Variants in FBLN2 observed in about 807,000 individuals in gnomAD.
The protein encoded by FBLN2 is fibulin 2.
In FBLN2, 81 loss-of-function variants were observed where a neutral mutation model predicts 123.7. That is an observed-to-expected ratio of 0.65 (90% CI 0.55 to 0.79). FBLN2 has a LOEUF of 0.79. FBLN2 is among the 30% of genes least tolerant of loss of function. The pLI, the probability that FBLN2 is intolerant of heterozygous loss-of-function variation, is 0.00. For synonymous variants in FBLN2, 699 were observed against 701.4 expected, an observed-to-expected ratio of 1.00 and a Z score of 0.05; for missense variants, 1,603 against 1,681.3, an observed-to-expected ratio of 0.95 and a Z score of 0.81.
chr3:13,606,706 C>T (rs114308951), intron 2 of FBLN2, among the ~76,000 whole-genome samples: 2,400 of 152,216 alleles, frequency 0.016, 59 homozygotes, highest in African/African-American at 0.053. Context: ...GGCTGAAGAG[C>T]AGTGGAATGA....
intron 2 of FBLN2, among the ~76,000 whole-genome samples, chr3:13,574,592 G>C (rs1704073282): frequency 6.6e-6 from 1 of 152,146 alleles, no homozygotes; most frequent in Admixed American, 6.5e-5. Context: ...CCCCAGCCCA[G>C]CCAGGCCTGG....
chr3:13,627,806 C>T lies in FBLN2; in HGVS notation c.2432-26C>T, dbSNP rs781387460. The T allele has an allele frequency of 9.3e-6, 15 of 1,604,410 alleles. No individual in the cohort carries two copies. The African/African-American group carries it at 1.7e-4, about 19-fold the overall frequency. ...TAAAGGCAGGACCTGCCCCCCAGCC[C>T]TTGACACCCAGCCTCTCCGCTGCAG... On this transcript the variant is annotated intron_variant, in intron 10 of 17. Coordinates refer to ENST00000404922, the MANE Select transcript of FBLN2 (RefSeq NM_001004019.2).
At chr3:13,635,249 T>C (rs983156850) in intron 16 of FBLN2, among the ~76,000 whole-genome samples, 1 of 152,032 alleles carries the variant, frequency 6.6e-6, no homozygotes, top group African/African-American at 2.4e-5. Context: ...GAACACCCCC[T>C]GCCCCTACCC....
rs1705317556 is a variant in FBLN2 at position 13,609,502 on chromosome 3, C to T, written c.1419-11C>T. ...GGGCGACTGGGGGCTAAGTTACCCC[C>T]TCTGTTTCAGGACAGCCCAGAGGCA... On this transcript the variant is annotated splice_polypyrimidine_tract_variant and intron_variant, in intron 3 of 17. Transcript: ENST00000404922. 5.2e-6 allele frequency: 8 copies of T among 1,535,884 alleles called. No homozygotes were observed. Among genetic ancestry groups the T allele is most frequent in the Non-Finnish European group, 6.1e-6 (7 of 1,140,182 alleles).
chr3:13,628,100 C>A, intron 11 of FBLN2, 131 bp downstream of exon 11: 1 of 1,212,494 alleles, frequency 8.2e-7, no homozygotes, highest in Non-Finnish European at 1.1e-6. Flanking sequence ...CCCCTTGTCC[C>A]TACCTGTGAA....
intron 1 of FBLN2, among the ~76,000 whole-genome samples, chr3:13,564,070 TAA>T (rs1419684085): frequency 6.6e-6 from 1 of 152,228 alleles, no homozygotes; most frequent in Non-Finnish European, 1.5e-5. Flanking sequence ...GTCCTGACAT[TAA>T]ATGTTATCAT....
chr3:13,621,793 T>C lies in FBLN2; in HGVS notation c.2174T>C (p.Met725Thr). 1 of 1,614,030 alleles carries C rather than the reference T, an allele frequency of 6.2e-7. No homozygotes were observed. Among genetic ancestry groups the C allele is most frequent in the Non-Finnish European group, 8.5e-7 (1 of 1,179,886 alleles). ...VSCEDQDECLMGAHDCSRRQF... is the reference protein window; with the variant it reads ...VSCEDQDECLTGAHDCSRRQF... ...CCACTAGACCAAGACGAGTGCCTGA[T>C]GGGTGCTCACGATTGTAGCCGGCGA... Residue 725 changes from methionine (M) to threonine (T), a missense_variant, in exon 9 of 18, where the codon ATG becomes ACG. Transcript: ENST00000404922.
At chr3:13,569,667 G>A (rs1363040937) in intron 1 of FBLN2, among the ~76,000 whole-genome samples, 1 of 152,068 alleles carries the variant, frequency 6.6e-6, no homozygotes, top group East Asian at 1.9e-4. Flanking sequence ...GAGGGTCTCA[G>A]AGGTGTGTTC....
chr3:13,592,322 G>A (rs954440184), intron 2 of FBLN2, among the ~76,000 whole-genome samples: 1 of 151,336 alleles, frequency 6.6e-6, no homozygotes, highest in Admixed American at 6.6e-5. Context: ...CACCACACCC[G>A]GCCAATGTTT....
At chr3:13,612,308 T>TTTCTTTCTTTCA in intron 4 of FBLN2, among the ~76,000 whole-genome samples, 1 of 141,846 alleles carries the variant, frequency 7.0e-6, no homozygotes. Context: ...TCTTTCTTTC[T>TTTCTTTCTTTCA]TTCTTTCTTT....
chr3:13,572,739 C>T (rs1464298705), intron 2 of FBLN2, among the ~76,000 whole-genome samples: 7 of 152,240 alleles, frequency 4.6e-5, no homozygotes, highest in Admixed American at 3.3e-4. Context: ...GGGAATGGTC[C>T]GCTGAGCCTA....
intron 7 of FBLN2, among the ~76,000 whole-genome samples, chr3:13,619,317 CTGT>C (rs1705760045): frequency 6.6e-6 from 1 of 152,220 alleles, no homozygotes; most frequent in Admixed American, 6.5e-5. Flanking sequence ...GTTTGCCGAC[CTGT>C]TGTGGAGGCT....
chr3:13,601,900 C>G (rs1705045912), intron 2 of FBLN2, among the ~76,000 whole-genome samples: 1 of 152,196 alleles, frequency 6.6e-6, no homozygotes, highest in Admixed American at 6.5e-5. Context: ...TGGGCTCAAG[C>G]AATCCCTTCC....
chr3:13,597,859 G>A (rs958413409), intron 2 of FBLN2, among the ~76,000 whole-genome samples: 1 of 152,230 alleles, frequency 6.6e-6, no homozygotes, highest in African/African-American at 2.4e-5. Context: ...GTGGCAGTGT[G>A]TTCTGAAGCT....
chr3:13,571,581 C>G lies in FBLN2; in HGVS notation c.1226C>G (p.Pro409Arg). The change falls in exon 2 of 18, where the codon CCG becomes CGG. Residue 409 changes from proline (P) to arginine (R), a missense_variant. Coordinates refer to ENST00000404922, the MANE Select transcript of FBLN2 (RefSeq NM_001004019.2). ...CCCACCCGAGAAGTGCCCAGGAAGCCGCAAGTTCTGCCCCATTCCCACGTG... is the reference window on the plus strand; with the variant it reads ...CCCACCCGAGAAGTGCCCAGGAAGCGGCAAGTTCTGCCCCATTCCCACGTG... ...IPPTREVPRKPQVLPHSHVEE... is the reference protein window; with the variant it reads ...IPPTREVPRKRQVLPHSHVEE... 6.2e-7 allele frequency: 1 copy of G among 1,613,500 alleles called. No individual in the cohort carries two copies. Among genetic ancestry groups the G allele is most frequent in the Non-Finnish European group, 8.5e-7 (1 of 1,179,748 alleles).
Position 13,619,029 on chromosome 3 carries a change from G to A in FBLN2, c.2053+12G>A. 2 of 1,596,912 alleles carry A rather than the reference G, an allele frequency of 1.3e-6. No individual in the cohort carries two copies. Among genetic ancestry groups the A allele is most frequent in the East Asian group, 2.3e-5 (1 of 44,216 alleles). On this transcript the variant is annotated intron_variant, in intron 7 of 17. Coordinates refer to ENST00000404922, the MANE Select transcript of FBLN2 (RefSeq NM_001004019.2). ...CAATACCTGCAAAGGTAAGCAGTGT[G>A]GGTGGTGTCTCCAGGACAGGGCCCA...
At chr3:13,558,354 G>A (rs531801367) in intron 1 of FBLN2, among the ~76,000 whole-genome samples, 8 of 152,082 alleles carry the variant, frequency 5.3e-5, no homozygotes, top group South Asian at 4.2e-4. Context: ...CTCTCTGCCT[G>A]TCTTTTGCTG....
intron 14 of FBLN2, among the ~76,000 whole-genome samples, chr3:13,630,194 A>G (rs1706208454): frequency 6.6e-6 from 1 of 152,188 alleles, no homozygotes; most frequent in Non-Finnish European, 1.5e-5. Flanking sequence ...CCCTCAGTCC[A>G]GAGAGGCTGG....
Position 13,630,291 on chromosome 3 carries a change from A to G in FBLN2, c.2968+346A>G, listed in dbSNP as rs567645598. 2.6e-5 allele frequency among the ~76,000 whole-genome samples: 4 copies of G among 152,304 alleles called. No individual in the cohort carries two copies. The South Asian group carries it at 8.3e-4, about 32-fold the overall frequency. On this transcript the variant is annotated intron_variant, in intron 14 of 17. Transcript: ENST00000404922. ...CCTGTGCGGGACGCGCCTGTGGCTG[A>G]GGGAGGGGCTGTAACATTATTCCCA...
Sources: allele counts gnomAD v4.1 joint callset (sites outside exome capture counted in the v4.1 genomes callset), GRCh38; gene constraint gnomAD v4.1.1; transcripts MANE v1.5; gene names NCBI Gene and HGNC (gene_info 2026-07-23, HGNC 2026-07-21).